CNTNAP2: variants seen among roughly 807,000 people sequenced by gnomAD.
CNTNAP2 encodes the protein contactin associated protein 2, also known as contactin-associated protein-like 2.
CNTNAP2 carries 98 observed loss-of-function variants against 155.2 expected under a neutral mutation model. The observed-to-expected ratio is 0.63, with a 90% CI of 0.54 to 0.75. The LOEUF is 0.75. CNTNAP2 is among the 30% of genes least tolerant of loss of function. The pLI is 0.00. For synonymous variants in CNTNAP2, 651 were observed against 631.2 expected (o/e 1.03, Z -0.47); for missense variants, 1,727 against 1,688.1 (o/e 1.02, Z -0.40).
At chr7:146,753,473 G>A (rs1801940846) in intron 1 of CNTNAP2, among the ~76,000 whole-genome samples, 1 of 151,866 alleles carries the variant, frequency 6.6e-6, no homozygotes, top group Admixed American at 6.6e-5. Context: ...GTGTATGAAA[G>A]TTTAGATGAT....
chr7:146,967,120 A>G (rs1797673908), intron 3 of CNTNAP2, among the ~76,000 whole-genome samples: 2 of 152,184 alleles, frequency 1.3e-5, no homozygotes, highest in South Asian at 2.1e-4. Flanking sequence ...AAACGTTTTT[A>G]CATTGGACCT....
intron 8 of CNTNAP2, among the ~76,000 whole-genome samples, chr7:147,278,054 T>C (rs182635949): frequency 6.6e-6 from 1 of 150,770 alleles, no homozygotes. Context: ...TCTGTGGGTT[T>C]AAAGATAGAA....
intron 1 of CNTNAP2, among the ~76,000 whole-genome samples, chr7:146,483,132 C>A (rs1486679424): frequency 6.7e-6 from 1 of 149,912 alleles, no homozygotes; most frequent in Non-Finnish European, 1.5e-5. Context: ...AAAAATTAGC[C>A]GGGCATGGTG....
chr7:146,855,375 C>T (rs9648838), intron 3 of CNTNAP2, among the ~76,000 whole-genome samples: 70,675 of 151,888 alleles, frequency 0.47, 18,166 homozygotes, highest in African/African-American at 0.69. Flanking sequence ...AAAAGTCATA[C>T]GCACAAAGTT....
chr7:147,809,164 T>A (rs1007857757), intron 13 of CNTNAP2, among the ~76,000 whole-genome samples: 16 of 152,178 alleles, frequency 1.1e-4, no homozygotes, highest in Non-Finnish European at 1.9e-4. Context: ...TGAGGTACAA[T>A]GTGGCTGGAA....
chr7:148,257,884 A>C (rs4726938), intron 20 of CNTNAP2, among the ~76,000 whole-genome samples: 105,489 of 151,920 alleles, frequency 0.69, 37,063 homozygotes, highest in South Asian at 0.85. Context: ...TACAAACAGA[A>C]GTTCTAATGG....
intron 8 of CNTNAP2, among the ~76,000 whole-genome samples, chr7:147,155,263 G>A (rs976040374): frequency 3.3e-5 from 5 of 152,102 alleles, no homozygotes; most frequent in South Asian, 4.1e-4. Flanking sequence ...AGGCATCAAC[G>A]AGGAAGTGGT....
Position 148,417,936 on chromosome 7 carries a change from C to T in CNTNAP2, c.*2320C>T, listed in dbSNP as rs1563081887. ...AAAAGGTGAAAAATGAGATCCAATC[C>T]TCTCACCAAAATTTCAAACCTAGGA... On this transcript the variant is annotated 3_prime_UTR_variant, in exon 24 of 24. Coordinates refer to ENST00000361727, the MANE Select transcript of CNTNAP2 (RefSeq NM_014141.6). 6.6e-6 allele frequency: 1 copy of T among 152,234 alleles called. No homozygotes were observed. Among genetic ancestry groups the T allele is most frequent in the Non-Finnish European group, 1.5e-5 (1 of 68,062 alleles). 9.4% of individuals were successfully genotyped at this position (152,234 alleles called of 1,614,324 possible).
intron 12 of CNTNAP2, among the ~76,000 whole-genome samples, chr7:147,568,759 A>G (rs1347102688): frequency 6.6e-6 from 1 of 152,100 alleles, no homozygotes; most frequent in Non-Finnish European, 1.5e-5. Context: ...TCCTCTCCCT[A>G]GATACCCTGA....
intron 10 of CNTNAP2, among the ~76,000 whole-genome samples, chr7:147,410,786 A>G (rs1371183800): frequency 2.0e-5 from 3 of 152,180 alleles, no homozygotes; most frequent in Non-Finnish European, 4.4e-5. Context: ...TTTTGTATTC[A>G]TTTTATTTTG....
intron 1 of CNTNAP2, among the ~76,000 whole-genome samples, chr7:146,391,750 T>TTTGTTG (rs148790995): frequency 2.6e-5 from 3 of 116,672 alleles, no homozygotes; most frequent in African/African-American, 7.7e-5. Context: ...GAACACGGTT[T>TTTGTTG]TTGTTGTTGT....
At chr7:146,411,968 C>T (rs1795873350) in intron 1 of CNTNAP2, among the ~76,000 whole-genome samples, 2 of 151,952 alleles carry the variant, frequency 1.3e-5, no homozygotes, top group South Asian at 2.1e-4. Context: ...TCCCGAGTAG[C>T]TGGGATTAGA....
chr7:146,839,694 C>T lies in CNTNAP2; in HGVS notation c.209-17C>T, dbSNP rs1021323274. The T allele has an allele frequency of 6.2e-7, 1 of 1,613,784 alleles. No homozygotes were observed. The stretch of plus-strand genomic sequence containing the variant: ...TTTAAATATTCATTTTCCCATCTTA[C>T]CTCTGCCCATCTTCAGGTGCTGGGG... On this transcript the variant is annotated splice_polypyrimidine_tract_variant and intron_variant, in intron 2 of 23. Coordinates refer to ENST00000361727, the MANE Select transcript of CNTNAP2 (RefSeq NM_014141.6).
chr7:146,608,126 A>G (rs565378559), intron 1 of CNTNAP2, among the ~76,000 whole-genome samples: 2 of 152,346 alleles, frequency 1.3e-5, no homozygotes, highest in East Asian at 1.9e-4. Context: ...CAAATACTTT[A>G]TAAAGTATTT....
At chr7:147,403,619 T>A (rs1024527693) in intron 10 of CNTNAP2, among the ~76,000 whole-genome samples, 2 of 152,180 alleles carry the variant, frequency 1.3e-5, no homozygotes, top group African/African-American at 4.8e-5. Flanking sequence ...GTCTTAACAC[T>A]TACAATGCCT....
chr7:147,061,522 G>T (rs1268941915), intron 4 of CNTNAP2, among the ~76,000 whole-genome samples: 2 of 136,682 alleles, frequency 1.5e-5, no homozygotes, highest in Admixed American at 6.8e-5. Flanking sequence ...GGGTCTTATC[G>T]TGTCATTGTG....
At chr7:147,347,460 AT>A (rs1795892697) in intron 9 of CNTNAP2, among the ~76,000 whole-genome samples, 2 of 43,326 alleles carry the variant, frequency 4.6e-5, no homozygotes, top group African/African-American at 1.4e-4. Context: ...ATATATGCAT[AT>A]ATATATATAT....
intron 16 of CNTNAP2, among the ~76,000 whole-genome samples, chr7:148,131,559 A>C (rs569718125): frequency 2.6e-5 from 4 of 152,364 alleles, no homozygotes; most frequent in African/African-American, 4.8e-5. Context: ...AGAAGTTTGA[A>C]TTCACACATT....
chr7:147,110,530 C>G (rs1800853742), intron 5 of CNTNAP2, among the ~76,000 whole-genome samples: 1 of 152,106 alleles, frequency 6.6e-6, no homozygotes, highest in Admixed American at 6.5e-5. Context: ...TTCCTCACCA[C>G]CTAAACCTCC....
Sources: gnomAD v4.1 joint callset for allele counts (sites outside exome capture counted in the v4.1 genomes callset) on GRCh38, gnomAD v4.1.1 for gene constraint, MANE v1.5 for transcripts, NCBI Gene and HGNC (gene_info 2026-07-23, HGNC 2026-07-21) for gene names.